ZNF516: variants seen among roughly 807,000 people sequenced by gnomAD.
ZNF516 encodes zinc finger protein 516.
Under a neutral mutation model 79.7 loss-of-function variants are expected in ZNF516, and 19 were observed. That is an observed-to-expected ratio of 0.24 (90% CI 0.17 to 0.35). The LOEUF is 0.35. ZNF516 is among the 10% of genes least tolerant of loss of function. The pLI is 1.00. For synonymous variants in ZNF516, 877 were observed against 739.5 expected (o/e 1.19, Z -3.02); for missense variants, 1,678 against 1,679.5 (o/e 1.00, Z 0.02).
chr18:76,444,146 AGG>A (rs1911899665), intron 2 of ZNF516, among the ~76,000 whole-genome samples: 1 of 152,256 alleles, frequency 6.6e-6, no homozygotes, highest in African/African-American at 2.4e-5. Flanking sequence ...CACCTGACAC[AGG>A]GTAAGTAAGG....
intron 2 of ZNF516, among the ~76,000 whole-genome samples, chr18:76,458,044 G>C (rs1912837299): frequency 6.6e-6 from 1 of 152,078 alleles, no homozygotes. Context: ...CACACATCAG[G>C]CGCACCATGG....
chr18:76,436,415 A>C (rs952619279), intron 3 of ZNF516, among the ~76,000 whole-genome samples: 25 of 151,992 alleles, frequency 1.6e-4, no homozygotes, highest in Non-Finnish European at 1.5e-5. Flanking sequence ...TCTTTCTTTG[A>C]ATCGTTTTGA....
intron 1 of ZNF516, among the ~76,000 whole-genome samples, chr18:76,463,467 C>T (rs1451112807): frequency 6.6e-6 from 1 of 152,248 alleles, no homozygotes; most frequent in African/African-American, 2.4e-5. Flanking sequence ...TCAATCCAGC[C>T]TATCAAAATG....
At chr18:76,448,787 G>A (rs1599109133) in intron 2 of ZNF516, among the ~76,000 whole-genome samples, 1 of 152,124 alleles carries the variant, frequency 6.6e-6, no homozygotes, top group East Asian at 1.9e-4. Context: ...GAGAATCTAA[G>A]ATGACTCAAA....
At chr18:76,391,199 C>T (rs764878613) in intron 3 of ZNF516, among the ~76,000 whole-genome samples, 2 of 152,106 alleles carry the variant, frequency 1.3e-5, no homozygotes, top group Non-Finnish European at 2.9e-5. Flanking sequence ...AAACACGCTA[C>T]AGGGTGAGTA....
chr18:76,412,330 G>A lies in ZNF516; in HGVS notation c.1810+28915C>T, dbSNP rs540937581. 4.7e-4 allele frequency among the ~76,000 whole-genome samples: 72 copies of A among 152,232 alleles called. 1 individual carries two copies. The South Asian group carries it at 0.015, about 31-fold the overall frequency. On this transcript the variant is annotated intron_variant, in intron 3 of 6. Transcript: ENST00000443185. ...GGACGTACACGGCACCCAAAGGGAC[G>A]GCCTGAAACAGGAAAACCTGAAAAC...
At chr18:76,491,092 G>GCCA in intron 1 of ZNF516, 1 of 985,278 alleles carries the variant, frequency 1.0e-6, no homozygotes, top group South Asian at 4.7e-5. Flanking sequence ...CGTCCTCGGG[G>GCCA]CCACGCCTTT....
At chr18:76,418,482 AAC>A (rs1196719863) in intron 3 of ZNF516, among the ~76,000 whole-genome samples, 13 of 152,246 alleles carry the variant, frequency 8.5e-5, no homozygotes, top group African/African-American at 2.4e-4. Context: ...AACATGCTGT[AAC>A]ACACTAACAT....
At position 76,441,821 on chromosome 18, in the gene ZNF516, G is replaced by C; in HGVS notation, c.1234C>G (p.Pro412Ala). 6.4e-7 allele frequency: 1 copy of C among 1,565,188 alleles called. No individual in the cohort carries two copies. The highest frequency in any genetic ancestry group is 8.6e-7 in the Non-Finnish European group (1 of 1,162,440). The change falls in exon 3 of 7, where the codon CCG becomes GCG. Residue 412 changes from proline (P) to alanine (A), a missense_variant. Transcript: ENST00000443185. ...TGCCAGGCCTGGTAGCTGTTGACCG[G>C]GTCCAGCTCAGCCACCCGCCGTCCG... ...QAGRRVAELD[P>A]VNSYQAWQLA...
chr18:76,491,690 G>A, intron 1 of ZNF516: 1 of 217,248 alleles, frequency 4.6e-6, no homozygotes, highest in South Asian at 1.7e-4. Flanking sequence ...GGGCGGGCAG[G>A]TGAGTCCCCC....
At chr18:76,433,164 G>T (rs1443606089) in intron 3 of ZNF516, among the ~76,000 whole-genome samples, 1 of 152,204 alleles carries the variant, frequency 6.6e-6, no homozygotes, top group African/African-American at 2.4e-5. Flanking sequence ...CGCTGTTTCT[G>T]TTATCAGACA....
At position 76,357,948 on chromosome 18, in the gene ZNF516, G is replaced by A. The variant is rs532808802; in HGVS notation, c.*4550C>T. Among the ~76,000 whole-genome samples, 17 of 152,188 alleles carry A rather than the reference G, an allele frequency of 1.1e-4. No individual in the cohort carries two copies. In the East Asian group the frequency reaches 1.4e-3, roughly 12 times the overall value. On this transcript the variant is annotated 3_prime_UTR_variant, in exon 7 of 7. Transcript: ENST00000443185. ...TGAAAGAAAATGAGAAAAACACAGC[G>A]TCTCCATTAAAAAACTGTATGTCCT...
intron 3 of ZNF516, among the ~76,000 whole-genome samples, chr18:76,407,101 C>T (rs1017499715): frequency 6.6e-6 from 1 of 152,082 alleles, no homozygotes; most frequent in Non-Finnish European, 1.5e-5. Flanking sequence ...TGAGTTAATT[C>T]TACTTTGTGA....
chr18:76,480,406 C>T (rs1914440550), intron 1 of ZNF516, among the ~76,000 whole-genome samples: 3 of 151,962 alleles, frequency 2.0e-5, no homozygotes, highest in Non-Finnish European at 1.5e-5. Flanking sequence ...TACAGGCCCG[C>T]GGGCCAAACT....
chr18:76,444,793 C>T (rs1056153176), intron 2 of ZNF516, among the ~76,000 whole-genome samples: 1 of 152,192 alleles, frequency 6.6e-6, no homozygotes, highest in Admixed American at 6.5e-5. Context: ...CTTCAACTCC[C>T]GAGGGCCCAG....
intron 2 of ZNF516, among the ~76,000 whole-genome samples, chr18:76,460,280 G>C (rs1028699551): frequency 1.5e-4 from 23 of 152,148 alleles, no homozygotes; most frequent in African/African-American, 5.3e-4. Context: ...TCACAGACGA[G>C]GACGCTGAGG....
Position 76,380,320 on chromosome 18 carries a change from A to G in ZNF516, c.1811-17T>C, listed in dbSNP as rs767163540. The G allele has an allele frequency of 1.9e-6, 3 of 1,607,084 alleles. No individual in the cohort carries two copies. Among genetic ancestry groups the G allele is most frequent in the East Asian group, 4.5e-5 (2 of 44,742 alleles). ...GCTGTCCCCCTAGAGGAGGCAAAAT[A>G]TGAAACGGGAAGTTACCATTTCTCA... is the stretch of plus-strand genomic sequence containing the variant. On this transcript the variant is annotated splice_polypyrimidine_tract_variant and intron_variant, in intron 3 of 6. Coordinates refer to ENST00000443185, the MANE Select transcript of ZNF516 (RefSeq NM_014643.4).
At chr18:76,441,133 C>A (rs928810224) in intron 3 of ZNF516, 112 bp downstream of exon 3, 3 of 1,411,934 alleles carry the variant, frequency 2.1e-6, no homozygotes, top group Admixed American at 5.4e-5. Context: ...AGTAAAGGGC[C>A]ACCGGGTAAG....
At chr18:76,417,620 G>A (rs1056346625) in intron 3 of ZNF516, among the ~76,000 whole-genome samples, 8 of 152,156 alleles carry the variant, frequency 5.3e-5, no homozygotes, top group African/African-American at 1.9e-4. Flanking sequence ...AAGCCAAGAA[G>A]TAATAAAACT....
Sources: allele counts gnomAD v4.1 joint callset (sites outside exome capture counted in the v4.1 genomes callset), GRCh38; gene constraint gnomAD v4.1.1; transcripts MANE v1.5; gene names NCBI Gene and HGNC (gene_info 2026-07-23, HGNC 2026-07-21).